Variants in ZNF662 observed in about 807,000 individuals in gnomAD.
ZNF662 encodes zinc finger protein 662.
A neutral mutation model predicts 12.4 loss-of-function variants in ZNF662; 14 were observed. The ratio of observed to expected loss-of-function variants is 1.13; its 90% CI spans 0.75 to 1.77. The LOEUF (loss-of-function observed/expected upper bound fraction) is 1.77. Ranked by LOEUF, ZNF662 falls within the 40% of genes most tolerant of loss-of-function variation. The pLI is 0.00. For missense variants in ZNF662, 550 were observed against 515.6 expected (o/e 1.07, Z -0.65); for synonymous variants, 184 against 176.4 (o/e 1.04, Z -0.34).
intron 2 of ZNF662, chr3:42,908,356 T>G (rs2088713974): frequency 7.4e-7 from 1 of 1,353,970 alleles, no homozygotes; most frequent in Admixed American, 3.1e-5. Context: ...TGCTCCAGAG[T>G]GAGAGGTGCC....
At position 42,908,082 on chromosome 3, in the gene ZNF662, G is replaced by C. The variant is rs1189204068; in HGVS notation, c.-33G>C. On this transcript the variant is annotated 5_prime_UTR_variant, in exon 2 of 5. Transcript: ENST00000440367. Reference sequence around the variant, plus strand: ...CTCTGAGAACGAATGGATCGGCCTGGGCCCTGCTCAGAGAGCCCTGTACAG... The same window carrying C: ...CTCTGAGAACGAATGGATCGGCCTGCGCCCTGCTCAGAGAGCCCTGTACAG... 1.2e-6 allele frequency: 2 copies of C among 1,614,172 alleles called. No individual in the cohort carries two copies.
rs2088915881 is a variant in ZNF662 at position 42,918,345 on chromosome 3, A to G, written c.*2991A>G. Among the ~76,000 whole-genome samples the G allele has an allele frequency of 6.6e-6, 1 of 152,164 alleles. No homozygotes were observed. The highest frequency in any genetic ancestry group is 2.4e-5 in the African/African-American group (1 of 41,438). ...CTCTCAACAAAAAGAGGGGTCCTGC[A>G]TGCAGGTTTTCCATCTCACTAAACT... is the stretch of plus-strand genomic sequence containing the variant. On this transcript the variant is annotated 3_prime_UTR_variant, in exon 5 of 5. Transcript: ENST00000440367.
At chr3:42,912,637 A>ATTTTATATATATAAATATATATATAT (rs2088824398) in intron 3 of ZNF662, among the ~76,000 whole-genome samples, 1 of 66,668 alleles carries the variant, frequency 1.5e-5, no homozygotes, top group Non-Finnish European at 3.0e-5. Context: ...ATATTTATAT[A>ATTTTATATATATAAATATATATATAT]TTTTATATAT....
rs1160596137 is a variant in ZNF662, at chr3:42,914,669, A to G, written c.596A>G (p.Lys199Arg). Reference sequence around the variant, plus strand: ...TTCTATATATGTGAGGAATGCGGCAAGTGTTTTGATCAAAATGAGGACTTT... The same window carrying G: ...TTCTATATATGTGAGGAATGCGGCAGGTGTTTTGATCAAAATGAGGACTTT... ...QIFYICEECG[K>R]CFDQNEDFDQ... Residue 199 changes from lysine to arginine, a missense_variant, in exon 5 of 5, where the codon AAG becomes AGG. Coordinates refer to ENST00000440367, the MANE Select transcript of ZNF662 (RefSeq NM_207404.4). The G allele has an allele frequency of 6.2e-7, 1 of 1,614,228 alleles. No homozygotes were observed.
In ZNF662 at chr3:42,917,180, G is replaced by A. The variant is rs573366974; in HGVS notation, c.*1826G>A. On this transcript the variant is annotated 3_prime_UTR_variant, in exon 5 of 5. Transcript: ENST00000440367. ...CCCTTCTCTCTGGGAACAGTTACCCGGGTATTCTTTGGGAAGCTATCCTTT... is the reference window on the plus strand; with the variant it reads ...CCCTTCTCTCTGGGAACAGTTACCCAGGTATTCTTTGGGAAGCTATCCTTT... 4.0e-5 allele frequency: 13 copies of A among 321,046 alleles called. No homozygotes were observed. In the South Asian group the frequency reaches 1.0e-3, roughly 25 times the overall value. 19.9% of individuals were successfully genotyped at this position (321,046 alleles called of 1,614,324 possible).
At chr3:42,909,728 C>T (rs1300118685) in intron 3 of ZNF662, among the ~76,000 whole-genome samples, 7 of 151,438 alleles carry the variant, frequency 4.6e-5, no homozygotes, top group African/African-American at 2.4e-5. Flanking sequence ...GCTGGCCGGG[C>T]GGAGGAGCTC....
rs748361490 is a variant in ZNF662, at chr3:42,908,153, G to A, written c.34+5G>A. On this transcript the variant is annotated splice_donor_5th_base_variant and intron_variant, in intron 2 of 4. Transcript: ENST00000440367. The stretch of plus-strand genomic sequence containing the variant: ...ATGGGGCTGTGGCTTCCCTGGGTAA[G>A]GGTCTCTCCCTTTGGGCCCTGCCTC... The A allele has an allele frequency of 1.9e-5, 31 of 1,611,628 alleles. No homozygotes were observed. In the South Asian group the frequency reaches 3.2e-4, roughly 17 times the overall value.
In ZNF662 at chr3:42,908,807, C is replaced by T; in HGVS notation, c.49C>T (p.Pro17Ser). ...TTCCTTTTAAGCAGCATTTCCATTT[C>T]CCAAACCGGCTCTGATTTCCCAGCT... ...AVASLAAFPFPKPALISQLER... is the reference protein window; with the variant it reads ...AVASLAAFPFSKPALISQLER... The change falls in exon 3 of 5, where the codon CCC becomes TCC. Residue 17 changes from proline (P) to serine (S), a missense_variant. Coordinates refer to ENST00000440367, the MANE Select transcript of ZNF662 (RefSeq NM_207404.4). The T allele has an allele frequency of 4.3e-6, 7 of 1,614,120 alleles. No individual in the cohort carries two copies. The highest frequency in any genetic ancestry group is 5.9e-6 in the Non-Finnish European group (7 of 1,179,976).
In ZNF662 at chr3:42,916,077, T is replaced by C. The variant is rs1191593850; in HGVS notation, c.*723T>C. 1.3e-5 allele frequency: 2 copies of C among 152,108 alleles called. No homozygotes were observed. Among genetic ancestry groups the C allele is most frequent in the East Asian group, 3.9e-4 (2 of 5,180 alleles). 9.4% of individuals were successfully genotyped at this position (152,108 alleles called of 1,614,324 possible). A position where few individuals can be genotyped will look rare whatever the true frequency, so the allele number is the denominator to read the frequency against. On this transcript the variant is annotated 3_prime_UTR_variant, in exon 5 of 5. Transcript: ENST00000440367. The stretch of plus-strand genomic sequence containing the variant: ...TGCTCATGATAAAAAAGAATTGAAA[T>C]AGTTGAAAAGGGTGTTCAGTGAAAA...
In ZNF662 at chr3:42,914,954, A is replaced by T. The variant is rs767152053; in HGVS notation, c.881A>T (p.His294Leu). ...GFSQNTSLTQ[H>L]QRIHTGEKPY... ...AGTCAGAACACAAGCCTTACGCAAC[A>T]TCAACGGATCCACACTGGTGAGAAA... Residue 294 changes from histidine (H) to leucine (L), a missense_variant, in exon 5 of 5, where the codon CAT becomes CTT. Transcript: ENST00000440367. 17 of 1,613,824 alleles carry T rather than the reference A, an allele frequency of 1.1e-5. No individual in the cohort carries two copies. Among genetic ancestry groups the T allele is most frequent in the African/African-American group, 1.3e-5 (1 of 74,808 alleles).
intron 3 of ZNF662, among the ~76,000 whole-genome samples, chr3:42,910,171 C>T (rs1328460604): frequency 1.3e-5 from 2 of 152,156 alleles, no homozygotes; most frequent in Admixed American, 1.3e-4. Context: ...GCCAACACGG[C>T]CAAACCCCGT....
In ZNF662 at chr3:42,914,377, A is replaced by G. The variant is rs1372088896; in HGVS notation, c.304A>G (p.Ile102Val). 1 of 1,608,552 alleles carries G rather than the reference A, an allele frequency of 6.2e-7. No individual in the cohort carries two copies. The highest frequency in any genetic ancestry group is 8.5e-7 in the Non-Finnish European group (1 of 1,178,706). Residue 102 changes from isoleucine (I) to valine (V), a missense_variant, in exon 5 of 5, where the codon ATT becomes GTT. Coordinates refer to ENST00000440367, the MANE Select transcript of ZNF662 (RefSeq NM_207404.4). Reference sequence around the variant, plus strand: ...AGATTTTATTCTGAAGGAGGAAATTATTGAGGAAGCACAGGACCTCATGGT... The same window carrying G: ...AGATTTTATTCTGAAGGAGGAAATTGTTGAGGAAGCACAGGACCTCATGGT... ...KEDFILKEEIIEEAQDLMVLS... is the reference protein window; with the variant it reads ...KEDFILKEEIVEEAQDLMVLS...
rs1027124916 is a variant in ZNF662, at chr3:42,917,886, C to A, written c.*2532C>A. Among the ~76,000 whole-genome samples the A allele has an allele frequency of 3.3e-5, 5 of 152,206 alleles. No homozygotes were observed. Among genetic ancestry groups the A allele is most frequent in the Admixed American group, 6.5e-5 (1 of 15,282 alleles). On this transcript the variant is annotated 3_prime_UTR_variant, in exon 5 of 5. Coordinates refer to ENST00000440367, the MANE Select transcript of ZNF662 (RefSeq NM_207404.4). ...CTTTGGGAGGCCAAGGTGGGCAGATCACCTGAGATTGGGAGTTCAAGACCA... is the reference window on the plus strand; with the variant it reads ...CTTTGGGAGGCCAAGGTGGGCAGATAACCTGAGATTGGGAGTTCAAGACCA...
At chr3:42,907,619 C>G (rs1052758962) in intron 1 of ZNF662, 3 of 925,074 alleles carry the variant, frequency 3.2e-6, no homozygotes, top group Non-Finnish European at 3.9e-6. Context: ...TGAGACATAA[C>G]AAAGAATATA....
At chr3:42,907,907 T>C (rs1252599626) in intron 1 of ZNF662, 115 bp from the exon 2 acceptor site, 1 of 1,451,460 alleles carries the variant, frequency 6.9e-7, no homozygotes, top group African/African-American at 1.4e-5. Flanking sequence ...CTGTAGACAT[T>C]CAGAATCCAG....
In ZNF662 at chr3:42,914,821, T is replaced by A; in HGVS notation, c.748T>A (p.Cys250Ser). The change falls in exon 5 of 5, where the codon TGT becomes AGT. Residue 250 changes from cysteine to serine, a missense_variant. Physicochemically the swap from Cys to Ser is moderately radical, Grantham distance 112. Transcript: ENST00000440367. Reference sequence around the variant, plus strand: ...TCACAGTGGGGTGAAACCCTATGAATGTCAAGAATGTGCTAAGGCCTTTGT... The same window carrying A: ...TCACAGTGGGGTGAAACCCTATGAAAGTCAAGAATGTGCTAAGGCCTTTGT... Reference protein sequence around the residue: ...RIHSGVKPYECQECAKAFVWK... With the variant: ...RIHSGVKPYESQECAKAFVWK... 1 of 1,614,114 alleles carries A rather than the reference T, an allele frequency of 6.2e-7. No individual in the cohort carries two copies. The highest frequency in any genetic ancestry group is 8.5e-7 in the Non-Finnish European group (1 of 1,180,020).
Position 42,917,901 on chromosome 3 carries a change from G to A in ZNF662, c.*2547G>A, listed in dbSNP as rs1490226718. Reference sequence around the variant, plus strand: ...GTGGGCAGATCACCTGAGATTGGGAGTTCAAGACCAGCCTGACCAACATAG... The same window carrying A: ...GTGGGCAGATCACCTGAGATTGGGAATTCAAGACCAGCCTGACCAACATAG... On this transcript the variant is annotated 3_prime_UTR_variant, in exon 5 of 5. Coordinates refer to ENST00000440367, the MANE Select transcript of ZNF662 (RefSeq NM_207404.4). 9.2e-5 allele frequency among the ~76,000 whole-genome samples: 14 copies of A among 152,234 alleles called. No homozygotes were observed. Among genetic ancestry groups the A allele is most frequent in the Admixed American group, 9.2e-4 (14 of 15,286 alleles).
At chr3:42,912,519 TA>T (rs2088817630) in intron 3 of ZNF662, among the ~76,000 whole-genome samples, 1 of 99,612 alleles carries the variant, frequency 1.0e-5, no homozygotes, top group African/African-American at 4.1e-5. Context: ...TTTGTATATT[TA>T]ATATATAAAT....
In ZNF662 at chr3:42,908,849, C is replaced by T. The variant is rs2088723212; in HGVS notation, c.91C>T (p.Pro31Ser). Reference protein sequence around the residue: ...LISQLERGETPWCSVPRGALD... With the variant: ...LISQLERGETSWCSVPRGALD... ...TTCCCAGCTGGAGCGAGGGGAAACA[C>T]CCTGGTGCTCGGTTCCTCGGGGAGC... The change falls in exon 3 of 5, where the codon CCC becomes TCC. Residue 31 changes from proline (P) to serine (S), a missense_variant. Pro to Ser is a moderately conservative substitution (Grantham distance 74). Coordinates refer to ENST00000440367, the MANE Select transcript of ZNF662 (RefSeq NM_207404.4). 6.2e-7 allele frequency: 1 copy of T among 1,614,058 alleles called. No homozygotes were observed. The highest frequency in any genetic ancestry group is 1.3e-5 in the African/African-American group (1 of 74,946).
Sources: gnomAD v4.1 joint callset for allele counts (sites outside exome capture counted in the v4.1 genomes callset) on GRCh38, gnomAD v4.1.1 for gene constraint, MANE v1.5 for transcripts, NCBI Gene and HGNC (gene_info 2026-07-23, HGNC 2026-07-21) for gene names.